Variants in MAGI2 observed in about 807,000 individuals in gnomAD.
MAGI2 encodes the protein membrane associated guanylate kinase, WW and PDZ domain containing 2, also known as membrane-associated guanylate kinase, WW and PDZ domain-containing protein 2.
In MAGI2, 35 loss-of-function variants were observed where a neutral mutation model predicts 133.3. The observed-to-expected ratio is 0.26, with a 90% CI of 0.20 to 0.35. The LOEUF is 0.35. Ranked by LOEUF, MAGI2 falls within the 10% of genes least tolerant of loss-of-function variation. The pLI is 1.00. For missense variants in MAGI2, 1,636 were observed against 1,863.4 expected, an observed-to-expected ratio of 0.88 and a Z score of 2.25; for synonymous variants, 729 against 710.6, an observed-to-expected ratio of 1.03 and a Z score of -0.41.
At chr7:78,671,882 A>G (rs527254970) in intron 2 of MAGI2, among the ~76,000 whole-genome samples, 1 of 152,310 alleles carries the variant, frequency 6.6e-6, no homozygotes, top group African/African-American at 2.4e-5. Context: ...CTTAATCTCT[A>G]TATTTCTATG....
chr7:79,049,284 T>C (rs1052080715), intron 1 of MAGI2, among the ~76,000 whole-genome samples: 4 of 152,056 alleles, frequency 2.6e-5, no homozygotes, highest in East Asian at 3.9e-4. Context: ...GACTTTTTTT[T>C]CCCCCTGCCA....
At chr7:78,566,552 A>G (rs985755051) in intron 3 of MAGI2, among the ~76,000 whole-genome samples, 28 of 148,346 alleles carry the variant, frequency 1.9e-4, no homozygotes, top group African/African-American at 5.7e-4. Flanking sequence ...AAAAAAAAAC[A>G]GAGGAAAACC....
intron 10 of MAGI2, among the ~76,000 whole-genome samples, chr7:78,214,252 A>G (rs1044130367): frequency 6.6e-6 from 1 of 152,224 alleles, no homozygotes; most frequent in African/African-American, 2.4e-5. Context: ...TACATCTTCT[A>G]GCATCTGAGG....
At chr7:78,686,095 A>G (rs1816283313) in intron 2 of MAGI2, among the ~76,000 whole-genome samples, 1 of 147,356 alleles carries the variant, frequency 6.8e-6, no homozygotes, top group African/African-American at 2.5e-5. Context: ...TGAGAAGGTC[A>G]TTATACATTG....
At chr7:78,694,863 C>G (rs73147024) in intron 2 of MAGI2, among the ~76,000 whole-genome samples, 7,648 of 152,186 alleles carry the variant, frequency 0.05, 279 homozygotes, top group Non-Finnish European at 0.077. Flanking sequence ...TGCTCAATAA[C>G]CATAGGTATT....
chr7:78,423,463 A>G (rs1798984653), intron 6 of MAGI2, among the ~76,000 whole-genome samples: 2 of 152,328 alleles, frequency 1.3e-5, no homozygotes, highest in South Asian at 2.1e-4. Flanking sequence ...AGACTAATAC[A>G]GTAAATTGGT....
At chr7:78,725,844 C>G (rs918709036) in intron 2 of MAGI2, among the ~76,000 whole-genome samples, 2 of 144,242 alleles carry the variant, frequency 1.4e-5, no homozygotes, top group African/African-American at 5.4e-5. Context: ...CAAAGTTAAA[C>G]TAGACACTCC....
intron 1 of MAGI2, among the ~76,000 whole-genome samples, chr7:79,092,844 T>G (rs373964960): frequency 2.0e-5 from 3 of 152,162 alleles, no homozygotes; most frequent in African/African-American, 7.2e-5. Flanking sequence ...CCTAATGTCT[T>G]CAGCCACTCC....
At chr7:79,152,355 A>G (rs1823335644) in intron 1 of MAGI2, among the ~76,000 whole-genome samples, 3 of 152,200 alleles carry the variant, frequency 2.0e-5, no homozygotes, top group Admixed American at 2.0e-4. Context: ...TTTGCAAAGC[A>G]CCTTGTGCTT....
At chr7:78,283,246 A>T (rs1444995911) in intron 9 of MAGI2, among the ~76,000 whole-genome samples, 1 of 152,142 alleles carries the variant, frequency 6.6e-6, no homozygotes, top group Non-Finnish European at 1.5e-5. Context: ...CAAGAGTCAA[A>T]GCTTGAAATC....
chr7:78,688,995 A>G (rs1372465422), intron 2 of MAGI2, among the ~76,000 whole-genome samples: 2 of 152,174 alleles, frequency 1.3e-5, no homozygotes, highest in Non-Finnish European at 2.9e-5. Flanking sequence ...TCTTTCTTTA[A>G]ACAGAAGTTG....
intron 10 of MAGI2, among the ~76,000 whole-genome samples, chr7:78,219,172 C>T (rs769860897): frequency 7.9e-5 from 12 of 152,122 alleles, no homozygotes; most frequent in South Asian, 4.1e-4. Flanking sequence ...ACTTTATACA[C>T]GTTCCCTTGG....
chr7:79,376,490 C>T (rs1406725802), intron 1 of MAGI2, among the ~76,000 whole-genome samples: 1 of 151,772 alleles, frequency 6.6e-6, no homozygotes, highest in Non-Finnish European at 1.5e-5. Flanking sequence ...GACAACATGT[C>T]AGAAAGGATT....
intron 3 of MAGI2, among the ~76,000 whole-genome samples, chr7:78,545,712 C>A (rs1013322995): frequency 6.6e-6 from 1 of 152,118 alleles, no homozygotes; most frequent in East Asian, 1.9e-4. Context: ...TGAAATACTC[C>A]GGCTAATTTT....
intron 3 of MAGI2, among the ~76,000 whole-genome samples, chr7:78,573,385 T>TTCTTAGAAAA (rs1801926259): frequency 1.5e-5 from 1 of 68,814 alleles, no homozygotes; most frequent in Non-Finnish European, 2.4e-5. Context: ...TATATATATA[T>TTCTTAGAAAA]ATATATATAT....
chr7:78,948,883 T>G (rs776133565), intron 2 of MAGI2, among the ~76,000 whole-genome samples: 10 of 152,122 alleles, frequency 6.6e-5, no homozygotes, highest in Non-Finnish European at 8.8e-5. Context: ...AGTTTCTCCT[T>G]TTTATCCTAT....
chr7:79,085,862 C>G (rs921251259), intron 1 of MAGI2, among the ~76,000 whole-genome samples: 1 of 151,944 alleles, frequency 6.6e-6, no homozygotes, highest in African/African-American at 2.4e-5. Flanking sequence ...TTTGTATAAA[C>G]TGTGCACACA....
At chr7:78,271,922 G>GT (rs1205072591) in intron 9 of MAGI2, among the ~76,000 whole-genome samples, 4 of 151,980 alleles carry the variant, frequency 2.6e-5, no homozygotes, top group African/African-American at 7.2e-5. Context: ...TTTTTTAAGG[G>GT]TTTTTTGTGT....
intron 10 of MAGI2, among the ~76,000 whole-genome samples, chr7:78,208,654 CA>C (rs1787374181): frequency 6.7e-6 from 1 of 149,990 alleles, no homozygotes; most frequent in Non-Finnish European, 1.5e-5. Flanking sequence ...TGGAAAAATC[CA>C]GTTCTGACAT....
Sources: allele counts gnomAD v4.1 joint callset (sites outside exome capture counted in the v4.1 genomes callset), GRCh38; gene constraint gnomAD v4.1.1; transcripts MANE v1.5; gene names NCBI Gene and HGNC (gene_info 2026-07-23, HGNC 2026-07-21).